The following CTNNA3 variants were observed in gnomAD, a reference collection of about 807,000 sequenced individuals.
CTNNA3 encodes catenin alpha-3.
Under a neutral mutation model 95.7 loss-of-function variants are expected in CTNNA3, and 76 were observed. That is an observed-to-expected ratio of 0.79 (90% confidence interval 0.66 to 0.96). The LOEUF (loss-of-function observed/expected upper bound fraction) is 0.96. Among genes scored for constraint, CTNNA3 ranks in the 40% least tolerant of loss-of-function variants. The pLI is 0.00. For synonymous variants in CTNNA3, 431 were observed against 374.4 expected (o/e 1.15, Z -1.74); for missense variants, 1,191 against 1,089.8 (o/e 1.09, Z -1.31).
chr10:67,045,804 A>G (rs955195553), intron 7 of CTNNA3, among the ~76,000 whole-genome samples: 5 of 152,172 alleles, frequency 3.3e-5, no homozygotes, highest in African/African-American at 9.6e-5. Flanking sequence ...TCTATACCAC[A>G]TTGCTAGTTA....
At chr10:65,980,976 C>A (rs2078309375) in intron 16 of CTNNA3, among the ~76,000 whole-genome samples, 1 of 151,946 alleles carries the variant, frequency 6.6e-6, no homozygotes, top group Admixed American at 6.6e-5. Context: ...CAACAGGACT[C>A]TGGAAGTCCT....
chr10:67,312,704 C>T (rs1012008822), intron 5 of CTNNA3, among the ~76,000 whole-genome samples: 1 of 152,034 alleles, frequency 6.6e-6, no homozygotes, highest in Non-Finnish European at 1.5e-5. Context: ...GTCCCTGGAC[C>T]GTAACAATTT....
intron 7 of CTNNA3, among the ~76,000 whole-genome samples, chr10:67,171,363 T>C (rs1026307880): frequency 6.6e-6 from 1 of 151,950 alleles, no homozygotes; most frequent in African/African-American, 2.4e-5. Flanking sequence ...TCACCTGAGG[T>C]TGGGAGTTCG....
chr10:67,031,703 A>G (rs1411301896), intron 7 of CTNNA3, among the ~76,000 whole-genome samples: 1 of 152,180 alleles, frequency 6.6e-6, no homozygotes, highest in Non-Finnish European at 1.5e-5. Flanking sequence ...CTTTGAGTAG[A>G]CTAGGACCTT....
chr10:67,322,141 A>G (rs967548442), intron 5 of CTNNA3, among the ~76,000 whole-genome samples: 1 of 152,096 alleles, frequency 6.6e-6, no homozygotes, highest in African/African-American at 2.4e-5. Flanking sequence ...TTATAAAATT[A>G]TAACATTACA....
chr10:67,052,019 T>C (rs925485131), intron 7 of CTNNA3, among the ~76,000 whole-genome samples: 1 of 152,106 alleles, frequency 6.6e-6, no homozygotes, highest in Non-Finnish European at 1.5e-5. Flanking sequence ...CCTCCCAAAG[T>C]GCTGGGATTA....
intron 5 of CTNNA3, among the ~76,000 whole-genome samples, chr10:67,241,313 C>T (rs1308714248): frequency 6.6e-6 from 1 of 151,992 alleles, no homozygotes; most frequent in African/African-American, 2.4e-5. Context: ...ATCCCAGCTA[C>T]TCGGGAGGCT....
intron 7 of CTNNA3, among the ~76,000 whole-genome samples, chr10:66,972,307 C>T (rs1849764101): frequency 6.6e-6 from 1 of 152,068 alleles, no homozygotes; most frequent in South Asian, 2.1e-4. Flanking sequence ...ATTTATTATA[C>T]TATATATAGC....
chr10:66,255,995 A>G (rs2090756043), intron 13 of CTNNA3, among the ~76,000 whole-genome samples: 4 of 152,174 alleles, frequency 2.6e-5, no homozygotes, highest in African/African-American at 9.7e-5. Context: ...CATGCTCGTA[A>G]TCCTAATGAT....
intron 10 of CTNNA3, among the ~76,000 whole-genome samples, chr10:66,569,581 A>G (rs1842808216): frequency 6.6e-6 from 1 of 152,200 alleles, no homozygotes; most frequent in Non-Finnish European, 1.5e-5. Context: ...TATTTATTCA[A>G]AAATTATAAT....
chr10:66,207,649 T>G (rs1486143717), intron 13 of CTNNA3, among the ~76,000 whole-genome samples: 5 of 152,014 alleles, frequency 3.3e-5, no homozygotes, highest in Non-Finnish European at 7.4e-5. Flanking sequence ...ACTGTTGCGT[T>G]TTACATTGTG....
intron 9 of CTNNA3, among the ~76,000 whole-genome samples, chr10:66,667,314 T>C (rs894989095): frequency 1.2e-5 from 1 of 83,454 alleles, no homozygotes; most frequent in African/African-American, 5.9e-5. Flanking sequence ...AATACATTCA[T>C]TATTTTCTGA....
At chr10:67,312,405 G>A (rs1318112183) in intron 5 of CTNNA3, among the ~76,000 whole-genome samples, 1 of 152,188 alleles carries the variant, frequency 6.6e-6, no homozygotes, top group Admixed American at 6.5e-5. Flanking sequence ...GGCTTTAAGT[G>A]TATCTTGGCT....
rs144280706 is a variant in CTNNA3 at position 67,396,972 on chromosome 10, G to A, written c.579+124870C>T. 3.2e-3 allele frequency among the ~76,000 whole-genome samples: 486 copies of A among 152,250 alleles called. 3 individuals are homozygous for A. The highest frequency in any genetic ancestry group is 0.011 in the African/African-American group (444 of 41,536). ...GAGGCCTCCCCAGCCATTCTGAACC[G>A]TGAGTCAATTAAACCTCTTTCCTTT... is the stretch of plus-strand genomic sequence containing the variant. On this transcript the variant is annotated intron_variant, in intron 5 of 17. Transcript: ENST00000433211.
intron 1 of CTNNA3, among the ~76,000 whole-genome samples, chr10:67,719,598 A>G (rs1841165900): frequency 6.6e-6 from 1 of 152,134 alleles, no homozygotes; most frequent in Non-Finnish European, 1.5e-5. Context: ...GTTTCCATGT[A>G]GTTGAGCGGT....
intron 5 of CTNNA3, among the ~76,000 whole-genome samples, chr10:67,482,149 T>C (rs1466047657): frequency 6.6e-6 from 1 of 150,548 alleles, no homozygotes; most frequent in Non-Finnish European, 1.5e-5. Context: ...TTGGTTACTG[T>C]AGCCTTGTAG....
At chr10:66,716,249 C>T (rs1035358732) in intron 9 of CTNNA3, among the ~76,000 whole-genome samples, 1 of 152,052 alleles carries the variant, frequency 6.6e-6, no homozygotes, top group Non-Finnish European at 1.5e-5. Flanking sequence ...GAAACATGAA[C>T]AGATACAAGA....
At chr10:67,522,090 T>C in intron 4 of CTNNA3, 129 bp from the exon 5 acceptor site, 2 of 846,390 alleles carry the variant, frequency 2.4e-6, no homozygotes, top group Middle Eastern at 3.2e-4. Flanking sequence ...TAACAAATGC[T>C]AGCTAATTAT....
rs1367137072 is a variant in CTNNA3 at position 66,097,325 on chromosome 10, C to T, written c.1977+5832G>A. Among the ~76,000 whole-genome samples, 4 of 152,078 alleles carry T rather than the reference C, an allele frequency of 2.6e-5. No homozygotes were observed. In the East Asian group the frequency reaches 5.8e-4, roughly 22 times the overall value. ...AGCTACTCAATAAAAAGTCAAAGCA[C>T]ATCAGGAGCACACAAAGATCTGCAT... On this transcript the variant is annotated intron_variant, in intron 14 of 17. Transcript: ENST00000433211.
Sources: gnomAD v4.1 joint callset for allele counts (sites outside exome capture counted in the v4.1 genomes callset) on GRCh38, gnomAD v4.1.1 for gene constraint, MANE v1.5 for transcripts, NCBI Gene and HGNC (gene_info 2026-07-23, HGNC 2026-07-21) for gene names.